PCDHGA3: variants seen among roughly 807,000 people sequenced by gnomAD.
PCDHGA3 encodes the protein protocadherin gamma subfamily A, 3, also known as protocadherin gamma-A3.
Under a neutral mutation model 58.5 loss-of-function variants are expected in PCDHGA3, and 40 were observed. The ratio of observed to expected loss-of-function variants is 0.68; its 90% CI spans 0.53 to 0.89. PCDHGA3 has a LOEUF of 0.89. PCDHGA3 is among the 40% of genes least tolerant of loss of function. The pLI is 0.00. For missense variants in PCDHGA3, 1,223 were observed against 1,195.9 expected, an observed-to-expected ratio of 1.02 and a Z score of -0.33; for synonymous variants, 530 against 525.7, an observed-to-expected ratio of 1.01 and a Z score of -0.11.
At chr5:141,367,326 C>G (rs1765062617) in intron 1 of PCDHGA3, 3 of 152,420 alleles carry the variant, frequency 2.0e-5, no homozygotes. Context: ...ATCACGAGGT[C>G]AGGAGATCGA....
intron 3 of PCDHGA3, among the ~76,000 whole-genome samples, chr5:141,509,745 T>C (rs1456852988): frequency 6.6e-6 from 1 of 152,186 alleles, no homozygotes; most frequent in East Asian, 1.9e-4. Context: ...TCTGAGCCTG[T>C]GCCTAAAGTG....
chr5:141,346,487 G>A, intron 1 of PCDHGA3, 30 bp downstream of exon 1: 2 of 1,612,810 alleles, frequency 1.2e-6, no homozygotes, highest in Non-Finnish European at 1.7e-6. Context: ...TGATTATTAA[G>A]AACAAATATG....
intron 1 of PCDHGA3, chr5:141,420,535 T>C (rs1322301404): frequency 6.2e-6 from 2 of 321,930 alleles, no homozygotes; most frequent in African/African-American, 4.3e-5. Flanking sequence ...CGGTTAAAAA[T>C]ATAAAATACA....
At chr5:141,399,454 G>A in intron 1 of PCDHGA3, 1 of 1,613,992 alleles carries the variant, frequency 6.2e-7, no homozygotes. Flanking sequence ...AGACGTCAAC[G>A]ATAACGCTCC....
intron 1 of PCDHGA3, among the ~76,000 whole-genome samples, chr5:141,448,434 GA>G (rs1297090877): frequency 1.3e-5 from 2 of 152,050 alleles, no homozygotes; most frequent in South Asian, 4.2e-4. Flanking sequence ...TATATATTGA[GA>G]AGTCTGACTT....
chr5:141,370,551 G>A, intron 1 of PCDHGA3: 18 of 1,613,928 alleles, frequency 1.1e-5, no homozygotes, highest in Non-Finnish European at 1.4e-5. Context: ...CCTCGCCAAG[G>A]ACCTGGGGTT....
chr5:141,491,945 C>T lies in PCDHGA3; in HGVS notation c.2425-2862C>T. ...GAGGGGAGGTGGGACCGACCCCCAC[C>T]CCTACACTCAAAAAAGGCCGGGGCC... On this transcript the variant is annotated intron_variant, in intron 1 of 3. Coordinates refer to ENST00000253812, the MANE Select transcript of PCDHGA3 (RefSeq NM_018916.4). The surrounding 1 kb of genome is among the most constrained non-coding windows in gnomAD (Gnocchi z 6.9). 1.8e-6 allele frequency: 2 copies of T among 1,116,616 alleles called. No individual in the cohort carries two copies. 69.2% of individuals were successfully genotyped at this position (1,116,616 alleles called of 1,614,324 possible). A position where few individuals can be genotyped will look rare whatever the true frequency, so the allele number is the denominator to read the frequency against.
intron 1 of PCDHGA3, chr5:141,350,915 C>G: frequency 6.2e-7 from 1 of 1,614,100 alleles, no homozygotes; most frequent in Middle Eastern, 1.6e-4. Context: ...GGACCCGCCT[C>G]TAAGCGGCAC....
chr5:141,372,735 C>T, intron 1 of PCDHGA3: 1 of 1,613,346 alleles, frequency 6.2e-7, no homozygotes, highest in African/African-American at 1.3e-5. Flanking sequence ...ACAAGATCTT[C>T]TATGTGATGA....
At position 141,421,672 on chromosome 5, in the gene PCDHGA3, C is replaced by T; in HGVS notation, c.2425-73135C>T. On this transcript the variant is annotated intron_variant, in intron 1 of 3. Coordinates refer to ENST00000253812, the MANE Select transcript of PCDHGA3 (RefSeq NM_018916.4). Reference sequence around the variant, plus strand: ...GATAAAAGTCAGTGAGCACGCAATTCCTGGGGCGCGATTTGCTCTTCCTAA... The same window carrying T: ...GATAAAAGTCAGTGAGCACGCAATTTCTGGGGCGCGATTTGCTCTTCCTAA... 4 of 1,613,862 alleles carry T rather than the reference C, an allele frequency of 2.5e-6. No individual in the cohort carries two copies. The highest frequency in any genetic ancestry group is 1.6e-4 in the Middle Eastern group (1 of 6,062).
chr5:141,344,176 T>C lies in PCDHGA3; in HGVS notation c.143T>C (p.Ile48Thr), dbSNP rs751095809. 5 of 1,613,978 alleles carry C rather than the reference T, an allele frequency of 3.1e-6. No homozygotes were observed. The highest frequency in any genetic ancestry group is 1.7e-5 in the Admixed American group (1 of 60,022). The change falls in exon 1 of 4, where the codon ATC becomes ACC. Residue 48 changes from isoleucine to threonine, a missense_variant. This residue lies in a region of PCDHGA3 where 791 missense variants were observed against 708.5 expected (regional missense o/e 1.12). Coordinates refer to ENST00000253812, the MANE Select transcript of PCDHGA3 (RefSeq NM_018916.4). ...ELDKGSFVGN[I>T]ANDLGLEPRE... The stretch of plus-strand genomic sequence containing the variant: ...GATAAAGGTTCCTTCGTGGGCAACA[T>C]CGCTAACGACCTGGGGCTAGAGCCC...
At chr5:141,420,733 A>T (rs989644819) in intron 1 of PCDHGA3, among the ~76,000 whole-genome samples, 1 of 152,250 alleles carries the variant, frequency 6.6e-6, no homozygotes, top group African/African-American at 2.4e-5. Flanking sequence ...GTCGGTTAAA[A>T]TCAATTGGAA....
At chr5:141,399,949 A>G in intron 1 of PCDHGA3, 1 of 1,612,272 alleles carries the variant, frequency 6.2e-7, no homozygotes, top group Non-Finnish European at 8.5e-7. Flanking sequence ...GCTGCAGGCT[A>G]GCGAGCCCGG....
At chr5:141,389,538 G>C (rs772693461) in intron 1 of PCDHGA3, 1 of 1,613,186 alleles carries the variant, frequency 6.2e-7, no homozygotes, top group African/African-American at 1.3e-5. Flanking sequence ...GTTAGTGGAC[G>C]ACCGCAACGA....
At chr5:141,390,458 G>A (rs1037400063) in intron 1 of PCDHGA3, 7 of 754,546 alleles carry the variant, frequency 9.3e-6, no homozygotes, top group Non-Finnish European at 1.5e-5. Context: ...AGTAAAGTAG[G>A]AGCAATTGTG....
intron 1 of PCDHGA3, chr5:141,377,844 A>G (rs911815564): frequency 2.0e-5 from 3 of 152,180 alleles, no homozygotes; most frequent in South Asian, 2.1e-4. Context: ...TTATCTTCCA[A>G]TTAAAATTAA....
At chr5:141,404,108 A>G (rs537875169) in intron 1 of PCDHGA3, 22 of 1,613,436 alleles carry the variant, frequency 1.4e-5, no homozygotes, top group South Asian at 6.6e-5. Context: ...TGTCTGTTCT[A>G]TCCAGGAGAA....
rs1203905820 is a variant in PCDHGA3 at position 141,344,330 on chromosome 5, C to T, written c.297C>T (p.Ile99=). ...RIDREELCAQ[I]PLCLVKINIL... ...ACCGGGAGGAGCTCTGCGCTCAGATCCCGCTGTGTCTGGTAAAAATTAACA... is the reference window on the plus strand; with the variant it reads ...ACCGGGAGGAGCTCTGCGCTCAGATTCCGCTGTGTCTGGTAAAAATTAACA... Residue 99 remains isoleucine, a synonymous_variant, in exon 1 of 4, where the codon ATC becomes ATT. Transcript: ENST00000253812. The T allele has an allele frequency of 1.3e-5, 21 of 1,613,830 alleles. No individual in the cohort carries two copies. The highest frequency in any genetic ancestry group is 1.8e-5 in the Non-Finnish European group (21 of 1,179,908).
chr5:141,465,643 C>T (rs561758040), intron 1 of PCDHGA3, among the ~76,000 whole-genome samples: 2 of 152,306 alleles, frequency 1.3e-5, no homozygotes, highest in East Asian at 3.9e-4. Flanking sequence ...ATGCTTTGAA[C>T]ATCCCAAAAA....
Sources: allele counts gnomAD v4.1 joint callset (sites outside exome capture counted in the v4.1 genomes callset), GRCh38; gene constraint gnomAD v4.1.1; regional missense constraint gnomAD v4.1.1; non-coding constraint Gnocchi (gnomAD v3.1); transcripts MANE v1.5; gene names NCBI Gene and HGNC (gene_info 2026-07-23, HGNC 2026-07-21).